The following ZNF385D variants were observed in gnomAD, a reference collection of about 807,000 sequenced individuals.
ZNF385D encodes the protein zinc finger protein 659.
A neutral mutation model predicts 35.8 loss-of-function variants in ZNF385D; 15 were observed. The observed-to-expected ratio is 0.42, with a 90% CI of 0.28 to 0.64. ZNF385D has a LOEUF of 0.64. Among genes scored for constraint, ZNF385D ranks in the 30% least tolerant of loss-of-function variants. ZNF385D has a pLI of 0.23. For missense variants in ZNF385D, 474 were observed against 494.6 expected (o/e 0.96, Z 0.39); for synonymous variants, 212 against 186.8 (o/e 1.13, Z -1.10).
chr3:21,573,196 CTA>C (rs2063384866), intron 2 of ZNF385D, among the ~76,000 whole-genome samples: 1 of 152,124 alleles, frequency 6.6e-6, no homozygotes. Flanking sequence ...ATTAGGTTCT[CTA>C]GATATACAGA....
Position 22,347,437 on chromosome 3 carries a change from C to A in ZNF385D, c.106+25013G>T, listed in dbSNP as rs546533614. Among the ~76,000 whole-genome samples the A allele has an allele frequency of 4.3e-4, 66 of 152,222 alleles. 1 individual carries two copies. Among genetic ancestry groups the A allele is most frequent in the Non-Finnish European group, 3.7e-4 (25 of 67,998 alleles). ...ATCATAATAGTTAACTGTACTTGAT[C>A]TATAGCCCCCAAGGAAGAGAAAGTA... On this transcript the variant is annotated intron_variant, in intron 2 of 5. Transcript: ENST00000494108.
chr3:21,611,345 G>A (rs907186744), intron 2 of ZNF385D, among the ~76,000 whole-genome samples: 5 of 152,168 alleles, frequency 3.3e-5, no homozygotes, highest in South Asian at 2.1e-4. Context: ...GCAGAGCTGC[G>A]CTTGCAATCC....
intron 4 of ZNF385D, among the ~76,000 whole-genome samples, chr3:21,439,548 C>T (rs1466680803): frequency 2.0e-5 from 3 of 152,004 alleles, no homozygotes; most frequent in African/African-American, 7.2e-5. Flanking sequence ...TAGTAATACC[C>T]TGCTCTAACA....
At chr3:22,070,469 G>C (rs567678368) in intron 3 of ZNF385D, among the ~76,000 whole-genome samples, 2 of 152,220 alleles carry the variant, frequency 1.3e-5, no homozygotes, top group African/African-American at 4.8e-5. Flanking sequence ...TTATAAGAGA[G>C]AGTTGAGTAC....
chr3:21,767,414 G>A (rs1363126870), intron 3 of ZNF385D, among the ~76,000 whole-genome samples: 4 of 151,808 alleles, frequency 2.6e-5, no homozygotes, highest in Non-Finnish European at 5.9e-5. Context: ...TTCTTCTATA[G>A]CATTTCATTT....
chr3:22,022,610 G>A (rs1015385740), intron 3 of ZNF385D, among the ~76,000 whole-genome samples: 4 of 152,142 alleles, frequency 2.6e-5, no homozygotes, highest in African/African-American at 7.2e-5. Context: ...CACTGTGATA[G>A]CATATTCCGG....
chr3:22,118,919 T>C (rs1702945247), intron 3 of ZNF385D, among the ~76,000 whole-genome samples: 1 of 152,166 alleles, frequency 6.6e-6, no homozygotes, highest in Non-Finnish European at 1.5e-5. Context: ...GCAAGTCTTA[T>C]AACATTATCG....
chr3:22,168,210 C>T (rs1300264234), intron 3 of ZNF385D, among the ~76,000 whole-genome samples: 1 of 152,146 alleles, frequency 6.6e-6, no homozygotes, highest in East Asian at 1.9e-4. Flanking sequence ...CTTCATGTCT[C>T]TATATTTTCT....
chr3:22,085,165 A>G (rs1424583527), intron 3 of ZNF385D, among the ~76,000 whole-genome samples: 4 of 148,546 alleles, frequency 2.7e-5, no homozygotes, highest in African/African-American at 9.7e-5. Context: ...AATTAAGAAT[A>G]AACTAGAGAA....
intron 3 of ZNF385D, among the ~76,000 whole-genome samples, chr3:22,092,799 T>TATTTTG (rs1701400908): frequency 6.6e-6 from 1 of 152,166 alleles, no homozygotes; most frequent in Non-Finnish European, 1.5e-5. Context: ...ATATACCTCT[T>TATTTTG]ACAGTTTTGA....
chr3:22,198,088 T>A (rs1212362630), intron 2 of ZNF385D, among the ~76,000 whole-genome samples: 2 of 152,082 alleles, frequency 1.3e-5, no homozygotes, highest in Non-Finnish European at 2.9e-5. Flanking sequence ...AATAAAAGGT[T>A]TAATAATCAG....
rs561991126 is a variant in ZNF385D, at chr3:22,031,395, G to A, written c.325+137422C>T. ...CTACATTCTTTAAAATCTAGGCAGA[G>A]GTTCCCAAAACCTCAGCTCTTGTAT... On this transcript the variant is annotated intron_variant, in intron 3 of 5. Coordinates refer to the ZNF385D transcript ENST00000494108. Among the ~76,000 whole-genome samples, 5 of 152,222 alleles carry A rather than the reference G, an allele frequency of 3.3e-5. No homozygotes were observed. In the East Asian group the frequency reaches 9.7e-4, roughly 30 times the overall value.
chr3:22,325,261 A>T (rs189893715), intron 2 of ZNF385D, among the ~76,000 whole-genome samples: 1 of 152,328 alleles, frequency 6.6e-6, no homozygotes, highest in African/African-American at 2.4e-5. Context: ...TTGAAAACTC[A>T]AGCTGTAGAA....
At chr3:22,072,275 G>T (rs17010717) in intron 3 of ZNF385D, among the ~76,000 whole-genome samples, 1 of 151,978 alleles carries the variant, frequency 6.6e-6, no homozygotes, top group East Asian at 1.9e-4. Context: ...CGAAAGCCAT[G>T]TACAACAGAT....
intron 3 of ZNF385D, among the ~76,000 whole-genome samples, chr3:21,873,603 G>A (rs1467892939): frequency 6.6e-6 from 1 of 152,068 alleles, no homozygotes; most frequent in Non-Finnish European, 1.5e-5. Flanking sequence ...CTGTGTGACT[G>A]AAATTGTATA....
At chr3:22,335,510 A>G (rs1181909178) in intron 2 of ZNF385D, among the ~76,000 whole-genome samples, 1 of 152,130 alleles carries the variant, frequency 6.6e-6, no homozygotes, top group Non-Finnish European at 1.5e-5. Flanking sequence ...GCTCCTTCAG[A>G]TCTTTTAACA....
At chr3:21,463,477 C>T (rs1244773198) in intron 4 of ZNF385D, among the ~76,000 whole-genome samples, 1 of 152,148 alleles carries the variant, frequency 6.6e-6, no homozygotes, top group Non-Finnish European at 1.5e-5. Flanking sequence ...AGCGGTTGAG[C>T]CCCAGGTGGA....
intron 3 of ZNF385D, among the ~76,000 whole-genome samples, chr3:21,883,384 A>T (rs963379029): frequency 2.6e-5 from 4 of 152,028 alleles, no homozygotes; most frequent in African/African-American, 9.7e-5. Flanking sequence ...CTAACCAGAC[A>T]AATGTCTCAC....
At chr3:21,425,213 T>C (rs562307130) in intron 6 of ZNF385D, among the ~76,000 whole-genome samples, 1 of 152,348 alleles carries the variant, frequency 6.6e-6, no homozygotes, top group Admixed American at 6.5e-5. Context: ...CTCCACCCAC[T>C]CTTCGTATAC....
Sources: allele counts gnomAD v4.1 joint callset (sites outside exome capture counted in the v4.1 genomes callset), GRCh38; gene constraint gnomAD v4.1.1; transcripts MANE v1.5; gene names NCBI Gene and HGNC (gene_info 2026-07-23, HGNC 2026-07-21).